The following ZNF385D variants were observed in gnomAD, a reference collection of about 807,000 sequenced individuals.
ZNF385D encodes zinc finger protein 659.
Under a neutral mutation model 35.8 loss-of-function variants are expected in ZNF385D, and 15 were observed. The observed-to-expected ratio is 0.42, with a 90% confidence interval of 0.28 to 0.64. ZNF385D has a LOEUF of 0.64. Among genes scored for constraint, ZNF385D ranks in the 30% least tolerant of loss-of-function variants. The probability of loss-of-function intolerance (pLI) is 0.23; values close to 1 mark genes in which losing one functional copy is unlikely to be tolerated. For synonymous variants in ZNF385D, 212 were observed against 186.8 expected, an observed-to-expected ratio of 1.13 and a Z score of -1.10; for missense variants, 474 against 494.6, an observed-to-expected ratio of 0.96 and a Z score of 0.39.
At chr3:21,527,936 T>C (rs554491452) in intron 3 of ZNF385D, among the ~76,000 whole-genome samples, 5 of 152,206 alleles carry the variant, frequency 3.3e-5, no homozygotes, top group Non-Finnish European at 7.3e-5. Flanking sequence ...TTATGTATTA[T>C]TTAAATGACT....
chr3:21,854,145 C>T lies in ZNF385D; in HGVS notation c.326-189117G>A, dbSNP rs112396605. Reference sequence around the variant, plus strand: ...ATATTTACCCATATTACTTAGCATGCACAAAAGGGCAGTCTTAACTTTCCT... The same window carrying T: ...ATATTTACCCATATTACTTAGCATGTACAAAAGGGCAGTCTTAACTTTCCT... On this transcript the variant is annotated intron_variant, in intron 3 of 5. Transcript: ENST00000494108. Among the ~76,000 whole-genome samples, 1,419 of 151,966 alleles carry T rather than the reference C, an allele frequency of 9.3e-3. 17 individuals carry two copies. The highest frequency in any genetic ancestry group is 0.032 in the African/African-American group (1,333 of 41,510).
intron 2 of ZNF385D, among the ~76,000 whole-genome samples, chr3:22,261,255 C>G (rs2638157): frequency 0.49 from 73,848 of 151,636 alleles, 18,421 homozygotes; most frequent in African/African-American, 0.57. Context: ...TAGGAGGAGA[C>G]AGAGAACCAG....
intron 3 of ZNF385D, among the ~76,000 whole-genome samples, chr3:21,767,237 A>C (rs1457598655): frequency 2.0e-5 from 3 of 152,216 alleles, no homozygotes; most frequent in African/African-American, 7.2e-5. Flanking sequence ...CTGAAGCTAT[A>C]CATACGTCTT....
At chr3:21,604,414 A>C (rs748664954) in intron 2 of ZNF385D, among the ~76,000 whole-genome samples, 1 of 152,226 alleles carries the variant, frequency 6.6e-6, no homozygotes, top group Admixed American at 6.5e-5. Flanking sequence ...GGGAAGTGAC[A>C]TGATTGAAGT....
At chr3:22,182,953 G>T (rs1360132658) in intron 2 of ZNF385D, among the ~76,000 whole-genome samples, 1 of 151,944 alleles carries the variant, frequency 6.6e-6, no homozygotes, top group Middle Eastern at 3.4e-3. Context: ...TGATGGATAT[G>T]GATAGAAATA....
At chr3:21,675,264 A>G (rs974792758) in intron 1 of ZNF385D, among the ~76,000 whole-genome samples, 4 of 151,972 alleles carry the variant, frequency 2.6e-5, no homozygotes, top group Admixed American at 2.0e-4. Context: ...CTTTTCCTCT[A>G]TCTTTCTTAA....
At chr3:21,708,231 T>A (rs536966450) in intron 1 of ZNF385D, among the ~76,000 whole-genome samples, 236 of 152,304 alleles carry the variant, frequency 1.5e-3, no homozygotes, top group Admixed American at 2.3e-3. Flanking sequence ...GTTACTCAAA[T>A]GGGCAGCAGC....
At chr3:22,003,214 G>T (rs1393125178) in intron 3 of ZNF385D, among the ~76,000 whole-genome samples, 5 of 152,112 alleles carry the variant, frequency 3.3e-5, no homozygotes, top group African/African-American at 7.2e-5. Context: ...ACTGACAAAA[G>T]AATTCAGCTA....
chr3:21,460,490 A>C (rs182204267), intron 4 of ZNF385D, among the ~76,000 whole-genome samples: 1 of 152,050 alleles, frequency 6.6e-6, no homozygotes, highest in East Asian at 1.9e-4. Context: ...GTGTACATCA[A>C]TAGGAACAAA....
intron 3 of ZNF385D, among the ~76,000 whole-genome samples, chr3:21,981,919 T>C (rs980311069): frequency 2.0e-5 from 3 of 152,174 alleles, no homozygotes; most frequent in African/African-American, 7.2e-5. Context: ...TCCATTGGTT[T>C]ACATGCCTGT....
At chr3:22,072,913 G>C (rs997970265) in intron 3 of ZNF385D, among the ~76,000 whole-genome samples, 1 of 151,896 alleles carries the variant, frequency 6.6e-6, no homozygotes, top group Non-Finnish European at 1.5e-5. Flanking sequence ...GGAAGATTCA[G>C]GGCCAAGAGA....
At position 22,356,836 on chromosome 3, in the gene ZNF385D, G is replaced by A. The variant is rs1014498077; in HGVS notation, c.106+15614C>T. Among the ~76,000 whole-genome samples the A allele has an allele frequency of 2.0e-5, 3 of 151,712 alleles. No homozygotes were observed. In the South Asian group the frequency reaches 6.2e-4, roughly 31 times the overall value. ...TGAACATTTTACAAAGTAGATTCAA[G>A]GTGAAATATTTAAAAGAAAGAATAA... On this transcript the variant is annotated intron_variant, in intron 2 of 5. Transcript: ENST00000494108.
chr3:22,030,256 C>CATATATATATATATATAT (rs71044967), intron 3 of ZNF385D, among the ~76,000 whole-genome samples: 6 of 21,738 alleles, frequency 2.8e-4, no homozygotes, highest in East Asian at 1.2e-3. Flanking sequence ...TAAACTCATT[C>CATATATATATATATATAT]ATATATATAT....
In ZNF385D at chr3:22,298,560, T is replaced by TACACAC. The variant is rs758306222; in HGVS notation, c.106+73884_106+73889dup. Among the ~76,000 whole-genome samples, 82 of 142,844 alleles carry TACACAC rather than the reference T, an allele frequency of 5.7e-4. 1 individual carries two copies. The highest frequency in any genetic ancestry group is 1.9e-3 in the African/African-American group (75 of 38,766). The allele number at this position is 142,844 out of a possible 152,430, so 93.7% of individuals were successfully genotyped here. A position where few individuals can be genotyped will look rare whatever the true frequency, so the allele number is the denominator to read the frequency against. Reference sequence around the variant, plus strand: ...TAAAACATTTATGTATATACACACATACACACACACACACATATATGTATG... The same window carrying TACACAC: ...TAAAACATTTATGTATATACACACATACACACACACACACACACACATATATGTATG... On this transcript the variant is annotated intron_variant, in intron 2 of 5. Coordinates refer to the ZNF385D transcript ENST00000494108.
At chr3:21,530,033 G>T (rs903777477) in intron 3 of ZNF385D, among the ~76,000 whole-genome samples, 1 of 152,062 alleles carries the variant, frequency 6.6e-6, no homozygotes, top group Non-Finnish European at 1.5e-5. Flanking sequence ...CTTGGTGAGG[G>T]TGACTTATTA....
At chr3:21,838,667 T>A (rs1695476884) in intron 3 of ZNF385D, among the ~76,000 whole-genome samples, 1 of 152,088 alleles carries the variant, frequency 6.6e-6, no homozygotes, top group African/African-American at 2.4e-5. Flanking sequence ...TATCCATCTA[T>A]GATGCTCAAA....
At chr3:22,164,938 T>G (rs964769636) in intron 3 of ZNF385D, among the ~76,000 whole-genome samples, 4 of 152,124 alleles carry the variant, frequency 2.6e-5, no homozygotes, top group Admixed American at 6.6e-5. Context: ...AGTATGTAAT[T>G]CAAACTTTAT....
chr3:21,609,328 G>A (rs938272286), intron 2 of ZNF385D, among the ~76,000 whole-genome samples: 1 of 152,128 alleles, frequency 6.6e-6, no homozygotes, highest in South Asian at 2.1e-4. Flanking sequence ...CAATCTCTGG[G>A]CCTTTCATTC....
chr3:22,326,526 G>A (rs1694687772), intron 2 of ZNF385D, among the ~76,000 whole-genome samples: 1 of 152,134 alleles, frequency 6.6e-6, no homozygotes, highest in Admixed American at 6.5e-5. Context: ...GGATACCACA[G>A]GAGGCAGTAT....
Sources: gnomAD v4.1 joint callset for allele counts (sites outside exome capture counted in the v4.1 genomes callset) on GRCh38, gnomAD v4.1.1 for gene constraint, MANE v1.5 for transcripts, NCBI Gene and HGNC (gene_info 2026-07-23, HGNC 2026-07-21) for gene names.